FALEC: variants seen among roughly 807,000 people sequenced by gnomAD.
The protein encoded by FALEC is focally amplified lncRNA regulator of ECM1, also known as focally amplified lncRNA on chromosome 1.
the FALEC span, among the ~76,000 whole-genome samples, chr1:150,525,286 CAAAAACA>C: frequency 6.6e-6 from 1 of 151,980 alleles, no homozygotes; most frequent in East Asian, 1.9e-4. Flanking sequence ...GTGTCCGTCT[CAAAAACA>C]AAAAACAAAA....
chr1:150,525,457 AAAACAAAC>A, the FALEC span, among the ~76,000 whole-genome samples: 4 of 151,900 alleles, frequency 2.6e-5, no homozygotes, highest in Non-Finnish European at 5.9e-5. Context: ...CATGTCTTAA[AAAACAAAC>A]AAACAAACAA....
chr1:150,523,775 C>T, the FALEC span, among the ~76,000 whole-genome samples: 2 of 151,884 alleles, frequency 1.3e-5, no homozygotes, highest in African/African-American at 4.8e-5. Flanking sequence ...CCCTGGAAAC[C>T]GTGAATTTTA....
At chr1:150,527,855 A>C in the FALEC span, among the ~76,000 whole-genome samples, 1 of 152,174 alleles carries the variant, frequency 6.6e-6, no homozygotes, top group African/African-American at 2.4e-5. Context: ...ATCTCAAAAA[A>C]TGTATAAGTA....
downstream of FALEC, among the ~76,000 whole-genome samples, chr1:150,522,861 A>ATG (rs1670663534): frequency 8.1e-6 from 1 of 123,062 alleles, no homozygotes; most frequent in African/African-American, 3.3e-5. Flanking sequence ...CTATATATAT[A>ATG]TATACGTATA....
the FALEC span, among the ~76,000 whole-genome samples, chr1:150,526,935 A>C: frequency 3.3e-5 from 5 of 150,578 alleles, no homozygotes; most frequent in Non-Finnish European, 7.4e-5. Context: ...CGCCTGGCCT[A>C]TATATTTATT....
the FALEC span, among the ~76,000 whole-genome samples, chr1:150,533,597 C>T: frequency 2.2e-4 from 33 of 151,948 alleles, 1 homozygote; most frequent in East Asian, 4.3e-3. Context: ...CCACAACACC[C>T]GGCTAATTTT....
the FALEC span, among the ~76,000 whole-genome samples, chr1:150,532,437 C>A: frequency 6.6e-6 from 1 of 152,246 alleles, no homozygotes; most frequent in African/African-American, 2.4e-5. Context: ...ATACCCCAGG[C>A]ATAAAATCAC....
At chr1:150,527,005 G>A in the FALEC span, among the ~76,000 whole-genome samples, 5 of 149,634 alleles carry the variant, frequency 3.3e-5, no homozygotes, top group African/African-American at 4.9e-5. Context: ...GTGCGATCTC[G>A]GCTTACTGCA....
the FALEC span, among the ~76,000 whole-genome samples, chr1:150,525,379 C>T: frequency 3.9e-5 from 6 of 152,178 alleles, no homozygotes; most frequent in South Asian, 4.2e-4. Context: ...GTGGGAGGAT[C>T]GCTTGAACCT....
chr1:150,533,190 C>T, the FALEC span, among the ~76,000 whole-genome samples: 4 of 152,174 alleles, frequency 2.6e-5, no homozygotes, highest in African/African-American at 4.8e-5. Context: ...CTGCCTCAGC[C>T]GTTTTTTCAG....
At chr1:150,532,709 G>A in the FALEC span, among the ~76,000 whole-genome samples, 1 of 152,050 alleles carries the variant, frequency 6.6e-6, no homozygotes, top group Non-Finnish European at 1.5e-5. Context: ...GGAGATGACA[G>A]GCAAGGCCAC....
At chr1:150,534,324 G>A in the FALEC span, among the ~76,000 whole-genome samples, 1 of 152,202 alleles carries the variant, frequency 6.6e-6, no homozygotes, top group Non-Finnish European at 1.5e-5. Flanking sequence ...CACTGAAGCC[G>A]CTGTCGTCCT....
the FALEC span, among the ~76,000 whole-genome samples, chr1:150,525,948 G>A: frequency 6.6e-6 from 1 of 152,102 alleles, no homozygotes; most frequent in South Asian, 2.1e-4. Flanking sequence ...AGCCATGTAC[G>A]TTTTATGTAA....
At chr1:150,516,868 C>T (rs587721084) in intron 1 of FALEC, among the ~76,000 whole-genome samples, 100 of 152,282 alleles carry the variant, frequency 6.6e-4, no homozygotes, top group Non-Finnish European at 1.1e-3. Flanking sequence ...TACAACACCA[C>T]CTTCAGGGAC....
At chr1:150,520,900 C>T (rs587725268), downstream of FALEC, among the ~76,000 whole-genome samples, 7 of 149,532 alleles carry the variant, frequency 4.7e-5, no homozygotes, top group South Asian at 1.5e-3. Context: ...ACCTCCGCCT[C>T]CTGGGATTCT....
the FALEC span, among the ~76,000 whole-genome samples, chr1:150,530,885 T>C: frequency 4.6e-5 from 7 of 152,146 alleles, no homozygotes; most frequent in South Asian, 2.1e-4. Flanking sequence ...ATTCCTCTCA[T>C]CAGAAGCCCC....
the FALEC span, among the ~76,000 whole-genome samples, chr1:150,534,716 G>C: frequency 6.6e-6 from 1 of 151,890 alleles, no homozygotes; most frequent in East Asian, 1.9e-4. Flanking sequence ...GTGGCGCGTG[G>C]CTGTAATCCC....
At chr1:150,525,383 TG>T in the FALEC span, among the ~76,000 whole-genome samples, 5 of 152,174 alleles carry the variant, frequency 3.3e-5, no homozygotes, top group Admixed American at 2.6e-4. Context: ...GAGGATCGCT[TG>T]AACCTGGTAG....
chr1:150,524,311 C>T, the FALEC span, among the ~76,000 whole-genome samples: 1 of 151,772 alleles, frequency 6.6e-6, no homozygotes, highest in Admixed American at 6.6e-5. Context: ...CACAGCTGTG[C>T]CTGGCCAAAT....
Sources: gnomAD v4.1 joint callset for allele counts (sites outside exome capture counted in the v4.1 genomes callset) on GRCh38, gnomAD v4.1.1 for gene constraint, MANE v1.5 for transcripts, NCBI Gene and HGNC (gene_info 2026-07-23, HGNC 2026-07-21) for gene names.